The following TMC7 variants were observed in gnomAD, a reference collection of about 807,000 sequenced individuals.
TMC7 encodes the protein transmembrane channel-like protein 7.
In TMC7, 54 loss-of-function variants were observed where a neutral mutation model predicts 82.9. The ratio of observed to expected loss-of-function variants is 0.65; its 90% CI spans 0.52 to 0.82. The LOEUF is 0.82. Among genes scored for constraint, TMC7 ranks in the 40% least tolerant of loss-of-function variants. The probability of loss-of-function intolerance (pLI) is 0.00; values close to 1 mark genes in which losing one functional copy is unlikely to be tolerated. For missense variants in TMC7, 820 were observed against 901.2 expected, an observed-to-expected ratio of 0.91 and a Z score of 1.15; for synonymous variants, 350 against 337.9, an observed-to-expected ratio of 1.04 and a Z score of -0.39.
rs1439394034 is a variant in TMC7, at chr16:19,055,861, G to GCT, written c.1872-677_1872-676dup. ...GCATACGTTAGCTATTTTTCCTAAT[G>GCT]CTCTCCTTCCTTAGTCTCTTTTAAT... On this transcript the variant is annotated intron_variant, in intron 13 of 15. Coordinates refer to ENST00000304381, the MANE Select transcript of TMC7 (RefSeq NM_024847.4). 4.6e-5 allele frequency among the ~76,000 whole-genome samples: 7 copies of GCT among 152,236 alleles called. No individual in the cohort carries two copies. In the East Asian group the frequency reaches 1.4e-3, roughly 29 times the overall value.
At chr16:19,059,284 A>G in intron 14 of TMC7, 132 bp from the exon 15 acceptor site, 2 of 1,465,026 alleles carry the variant, frequency 1.4e-6, no homozygotes, top group Non-Finnish European at 1.8e-6. Flanking sequence ...GGTATTATAA[A>G]ATGAGCCATC....
intron 1 of TMC7, among the ~76,000 whole-genome samples, chr16:19,006,230 C>T (rs1222562667): frequency 6.8e-6 from 1 of 147,676 alleles, no homozygotes; most frequent in African/African-American, 2.5e-5. Context: ...GACGGAGTTT[C>T]GCTCTTGTTG....
At chr16:19,035,969 A>G in intron 7 of TMC7, 146 bp downstream of exon 7, 3 of 888,006 alleles carry the variant, frequency 3.4e-6, no homozygotes, top group Non-Finnish European at 4.9e-6. Context: ...AGCTTTCAAG[A>G]ACGTTTCACA....
chr16:19,024,562 A>AT (rs1960134102), intron 5 of TMC7, among the ~76,000 whole-genome samples: 1 of 150,964 alleles, frequency 6.6e-6, no homozygotes, highest in African/African-American at 2.4e-5. Context: ...TTTTTTATTT[A>AT]TTTTTTATTT....
At chr16:19,047,346 G>C in intron 12 of TMC7, 97 bp downstream of exon 12, 1 of 1,012,704 alleles carries the variant, frequency 9.9e-7, no homozygotes, top group Non-Finnish European at 1.4e-6. Flanking sequence ...CCCATGAGAC[G>C]TATCAAAATT....
At chr16:19,056,492 C>T in intron 13 of TMC7, 50 bp from the exon 14 acceptor site, 1 of 1,582,662 alleles carries the variant, frequency 6.3e-7, no homozygotes, top group Admixed American at 1.8e-5. Context: ...GCGGGACACT[C>T]AACCTGTGCT....
chr16:19,056,763 CG>C, intron 14 of TMC7, 66 bp downstream of exon 14: 5 of 1,554,698 alleles, frequency 3.2e-6, no homozygotes, highest in Non-Finnish European at 4.4e-6. Flanking sequence ...TGGCGGCGGT[CG>C]GGGCGGGGTC....
At chr16:19,051,852 C>CA (rs777524386) in intron 13 of TMC7, 36 bp downstream of exon 13, 1 of 1,608,338 alleles carries the variant, frequency 6.2e-7, no homozygotes, top group Admixed American at 1.7e-5. Context: ...CATTTCATTG[C>CA]TTCTTGACCT....
At chr16:18,986,971 A>AT (rs1596707764) in intron 1 of TMC7, among the ~76,000 whole-genome samples, 2 of 151,514 alleles carry the variant, frequency 1.3e-5, no homozygotes, top group East Asian at 2.0e-4. Context: ...CGCCTGGCTA[A>AT]TTTTTTTGTA....
chr16:19,021,344 A>T (rs1315859077), intron 3 of TMC7, among the ~76,000 whole-genome samples: 1 of 152,184 alleles, frequency 6.6e-6, no homozygotes, highest in Non-Finnish European at 1.5e-5. Flanking sequence ...CAGCCAATAA[A>T]TGGTGCTGAG....
At chr16:19,028,510 T>G (rs1960340724) in intron 5 of TMC7, among the ~76,000 whole-genome samples, 1 of 152,182 alleles carries the variant, frequency 6.6e-6, no homozygotes, top group Non-Finnish European at 1.5e-5. Context: ...AGGATCAGCT[T>G]GTCAGTTTTT....
intron 4 of TMC7, 119 bp from the exon 5 acceptor site, chr16:19,022,994 T>C (rs757174590): frequency 5.6e-6 from 3 of 539,556 alleles, no homozygotes; most frequent in African/African-American, 2.0e-5. Flanking sequence ...CACTCCAGTC[T>C]GGATGACAGA....
chr16:19,015,172 C>G (rs1224218247), intron 2 of TMC7, among the ~76,000 whole-genome samples: 7 of 152,014 alleles, frequency 4.6e-5, no homozygotes, highest in Admixed American at 4.6e-4. Flanking sequence ...CCATGTTGGT[C>G]AGGCTGGTCT....
intron 1 of TMC7, among the ~76,000 whole-genome samples, chr16:18,989,502 A>G (rs2038910827): frequency 6.7e-6 from 1 of 148,872 alleles, no homozygotes; most frequent in Non-Finnish European, 1.5e-5. Context: ...GTTTCCTTTT[A>G]AAGGAGCATT....
intron 1 of TMC7, among the ~76,000 whole-genome samples, chr16:19,003,251 A>C (rs2039172434): frequency 6.6e-6 from 1 of 152,216 alleles, no homozygotes; most frequent in African/African-American, 2.4e-5. Context: ...AGGTGGGAGG[A>C]TCGCTTGAGC....
In TMC7 at chr16:19,025,584, A is replaced by T. The variant is rs112859943; in HGVS notation, c.711+2389A>T. On this transcript the variant is annotated intron_variant, in intron 5 of 15. Coordinates refer to ENST00000304381, the MANE Select transcript of TMC7 (RefSeq NM_024847.4). The stretch of plus-strand genomic sequence containing the variant: ...CAGTGAGCTGAGATCACGCAACTGC[A>T]TTCCAGCCTGGGCAATGAGAGGGAG... Among the ~76,000 whole-genome samples the T allele has an allele frequency of 2.8e-3, 428 of 152,320 alleles. 6 individuals carry two copies. The highest frequency in any genetic ancestry group is 9.6e-3 in the African/African-American group (401 of 41,576).
At chr16:18,984,844 G>A (rs2038815329) in intron 1 of TMC7, among the ~76,000 whole-genome samples, 2 of 152,188 alleles carry the variant, frequency 1.3e-5, no homozygotes, top group African/African-American at 4.8e-5. Flanking sequence ...CCAGCACTCA[G>A]GCAGGGTTCC....
intron 1 of TMC7, among the ~76,000 whole-genome samples, chr16:19,006,746 C>G (rs1037109150): frequency 2.0e-5 from 3 of 152,218 alleles, no homozygotes; most frequent in Non-Finnish European, 4.4e-5. Flanking sequence ...TGTCTGCTGG[C>G]GCTGGAGCAC....
intron 1 of TMC7, among the ~76,000 whole-genome samples, chr16:19,000,074 C>G (rs903210677): frequency 1.3e-5 from 2 of 152,090 alleles, no homozygotes; most frequent in Non-Finnish European, 2.9e-5. Context: ...GCCACCACGC[C>G]GGGCAGAGTC....
Sources: allele counts gnomAD v4.1 joint callset (sites outside exome capture counted in the v4.1 genomes callset), GRCh38; gene constraint gnomAD v4.1.1; transcripts MANE v1.5; gene names NCBI Gene and HGNC (gene_info 2026-07-23, HGNC 2026-07-21).